PLXNB1: variants seen among roughly 807,000 people sequenced by gnomAD.
PLXNB1 encodes plexin-B1.
A neutral mutation model predicts 209.4 loss-of-function variants in PLXNB1; 106 were observed. That is an observed-to-expected ratio of 0.51 (90% CI 0.43 to 0.59). The LOEUF (loss-of-function observed/expected upper bound fraction) is 0.59, where lower values mean the gene tolerates loss of function less well. PLXNB1 is among the 20% of genes least tolerant of loss of function. The pLI is 0.00. For synonymous variants in PLXNB1, 1,167 were observed against 1,183.2 expected, an observed-to-expected ratio of 0.99 and a Z score of 0.28; for missense variants, 2,357 against 2,853.2, an observed-to-expected ratio of 0.83 and a Z score of 3.96.
In PLXNB1 at chr3:48,420,212, G is replaced by A; in HGVS notation, c.2074C>T (p.Pro692Ser). 6.4e-7 allele frequency: 1 copy of A among 1,557,542 alleles called. No homozygotes were observed. Among genetic ancestry groups the A allele is most frequent in the South Asian group, 1.2e-5 (1 of 84,676 alleles). The change falls in exon 11 of 38, where the codon CCC becomes TCC. Residue 692 changes from proline (P) to serine (S), a missense_variant. By Grantham distance (74) the Pro-to-Ser change is moderately conservative (BLOSUM62 -1). Transcript: ENST00000296440. ...GCTTTGGGGGCTGTGGGTGGGGAGGGGCTGGGTCCACCTCTTGCAGGAGGG... is the reference window on the plus strand; with the variant it reads ...GCTTTGGGGGCTGTGGGTGGGGAGGAGCTGGGTCCACCTCTTGCAGGAGGG... Reference protein sequence around the residue: ...PDPPARGGPSPSPPTAPKALA... With the variant: ...PDPPARGGPSSSPPTAPKALA...
In PLXNB1 at chr3:48,421,734, C is replaced by G. The variant is rs772304234; in HGVS notation, c.1593G>C (p.Leu531=). ...TCATGGCTGCCACTTGCAGACAGCCCAGCTCAGGCTGGAAGCTCCATAGCC... is the reference window on the plus strand; with the variant it reads ...TCATGGCTGCCACTTGCAGACAGCCGAGCTCAGGCTGGAAGCTCCATAGCC... ...EQWLWSFQPE[L]GCLQVAAMSP... Residue 531 remains leucine, a synonymous_variant, in exon 7 of 38, where the codon CTG becomes CTC. Transcript: ENST00000296440. 1 of 1,610,968 alleles carries G rather than the reference C, an allele frequency of 6.2e-7. No individual in the cohort carries two copies. Among genetic ancestry groups the G allele is most frequent in the South Asian group, 1.1e-5 (1 of 91,034 alleles).
Position 48,421,036 on chromosome 3 carries a change from A to G in PLXNB1, c.1811-80T>C, listed in dbSNP as rs2106926322. ...CAGAGCCGATATCCTGAGCCCTTGA[A>G]TGGGGAAGAGGACCCGGGATGAGGG... is the stretch of plus-strand genomic sequence containing the variant. On this transcript the variant is annotated intron_variant, in intron 8 of 37. Transcript: ENST00000296440. 5.2e-6 allele frequency: 7 copies of G among 1,359,214 alleles called. No homozygotes were observed. In the South Asian group the frequency reaches 8.5e-5, roughly 16 times the overall value. The allele number at this position is 1,359,214 out of a possible 1,614,324, so 84.2% of individuals were successfully genotyped here. A position where few individuals can be genotyped will look rare whatever the true frequency, so the allele number is the denominator to read the frequency against.
chr3:48,421,604 C>A (rs2038524233), intron 7 of PLXNB1, 70 bp downstream of exon 7: 2 of 1,446,522 alleles, frequency 1.4e-6, no homozygotes, highest in South Asian at 1.3e-5. Flanking sequence ...ACATCAGGAT[C>A]CAAGATCTCT....
In PLXNB1 at chr3:48,418,947, G is replaced by C. The variant is rs374241170; in HGVS notation, c.2925C>G (p.Thr975=). Residue 975 remains threonine, a synonymous_variant, in exon 13 of 38, where the codon ACC becomes ACG. Coordinates refer to ENST00000296440, the MANE Select transcript of PLXNB1 (RefSeq NM_001130082.3). The surrounding 1 kb of genome is among the most constrained non-coding windows in gnomAD (Gnocchi z 6.6). ...ARVECEPPPD[T]QCHVTCQQHQ... The stretch of plus-strand genomic sequence containing the variant: ...GCTGCTGGCAGGTGACATGGCACTG[G>C]GTATCTGGAGGTGGCTCACACTCGA... 3 of 1,614,040 alleles carry C rather than the reference G, an allele frequency of 1.9e-6. No individual in the cohort carries two copies. The highest frequency in any genetic ancestry group is 2.5e-6 in the Non-Finnish European group (3 of 1,180,002).
At chr3:48,425,800 CCTA>C (rs1445430824) in intron 1 of PLXNB1, among the ~76,000 whole-genome samples, 1 of 146,374 alleles carries the variant, frequency 6.8e-6, no homozygotes, top group Non-Finnish European at 1.5e-5. Context: ...TATGTATATG[CCTA>C]CAACACACAC....
rs2037710682 is a variant in PLXNB1, at chr3:48,411,962, G to T, written c.5148C>A (p.His1716Gln). ...TGTCCACTGGCCCCTTATCCACTTG[G>T]TGCTTAATCCCTCGAAAGAGCATGT... ...PLYMLFRGIK[H>Q]QVDKGPVDSV... The change falls in exon 28 of 38, where the codon CAC (histidine) becomes CAA (glutamine). Residue 1716 changes from histidine to glutamine, a missense_variant. His to Gln is a conservative substitution (Grantham distance 24). Transcript: ENST00000296440. The surrounding 1 kb of genome is among the most constrained non-coding windows in gnomAD (Gnocchi z 4.0). 6.2e-7 allele frequency: 1 copy of T among 1,614,024 alleles called. No homozygotes were observed.
At position 48,409,849 on chromosome 3, in the gene PLXNB1, G is replaced by A. The variant is rs2037549639; in HGVS notation, c.5778+56C>T. 8 of 1,580,458 alleles carry A rather than the reference G, an allele frequency of 5.1e-6. No individual in the cohort carries two copies. Among genetic ancestry groups the A allele is most frequent in the South Asian group, 1.1e-5 (1 of 87,924 alleles). On this transcript the variant is annotated intron_variant, in intron 32 of 37. Transcript: ENST00000296440. The surrounding 1 kb of genome is among the most constrained non-coding windows in gnomAD (Gnocchi z 5.8). ...GCCCCACACCACCCCCAAATCCCAC[G>A]AGTGGCCATGCTCCCTCTCAGCCCA...
In PLXNB1 at chr3:48,415,492, G is replaced by A; in HGVS notation, c.3794+91C>T. The A allele has an allele frequency of 7.0e-7, 1 of 1,425,932 alleles. No individual in the cohort carries two copies. The highest frequency in any genetic ancestry group is 9.5e-7 in the Non-Finnish European group (1 of 1,049,980). The allele number at this position is 1,425,932 out of a possible 1,614,324, so 88.3% of individuals were successfully genotyped here. ...CTACTAGCAGCATGGGATTCTCAGT[G>A]CCTCAACATAAAGCCCTACAAACCC... On this transcript the variant is annotated intron_variant, in intron 19 of 37. Transcript: ENST00000296440. This position sits in a 1 kb window ranked among gnomAD's most constrained non-coding sequence, Gnocchi z 5.0.
chr3:48,409,673 G>A lies in PLXNB1; in HGVS notation c.5837C>T (p.Pro1946Leu). ...LFQVILSTSR[P>L]VPLAVKYFFD... Reference sequence around the variant, plus strand: ...GAAGTACTTCACAGCGAGCGGCACGGGGCGGCTGGTGCTGAGAATCACCTG... The same window carrying A: ...GAAGTACTTCACAGCGAGCGGCACGAGGCGGCTGGTGCTGAGAATCACCTG... The change falls in exon 33 of 38, where the codon CCC (proline) becomes CTC (leucine). Residue 1946 changes from proline to leucine, a missense_variant. By Grantham distance (98) the Pro-to-Leu change is moderately conservative. This residue lies in a region of PLXNB1 where 414 missense variants were observed against 520.5 expected (regional missense o/e 0.80). Coordinates refer to ENST00000296440, the MANE Select transcript of PLXNB1 (RefSeq NM_001130082.3). This position sits in a 1 kb window ranked among gnomAD's most constrained non-coding sequence, Gnocchi z 5.8. 1 of 1,614,006 alleles carries A rather than the reference G, an allele frequency of 6.2e-7. No individual in the cohort carries two copies. The highest frequency in any genetic ancestry group is 8.5e-7 in the Non-Finnish European group (1 of 1,180,026).
At position 48,412,482 on chromosome 3, in the gene PLXNB1, C is replaced by T; in HGVS notation, c.4993G>A (p.Ala1665Thr). 1.2e-6 allele frequency: 2 copies of T among 1,613,666 alleles called. No homozygotes were observed. Among genetic ancestry groups the T allele is most frequent in the Non-Finnish European group, 1.7e-6 (2 of 1,180,050 alleles). Residue 1665 changes from alanine (A) to threonine (T), a missense_variant, in exon 26 of 38, where the codon GCC (alanine) becomes ACC (threonine). Coordinates refer to ENST00000296440, the MANE Select transcript of PLXNB1 (RefSeq NM_001130082.3). Reference sequence around the variant, plus strand: ...TTGGGGTTCTTGGCCACATACTGGGCAACCAGGTCACTGAGCAGAGTGCGG... The same window carrying T: ...TTGGGGTTCTTGGCCACATACTGGGTAACCAGGTCACTGAGCAGAGTGCGG... ...ILRTLLSDLV[A>T]QYVAKNPKLM...
Position 48,414,030 on chromosome 3 carries a change from C to T in PLXNB1, c.4251G>A (p.Val1417=), listed in dbSNP as rs1397814399. The stretch of plus-strand genomic sequence containing the variant: ...CACAGGGGCCATCCCCTATCATAGC[C>T]ACCACCTCCTCCTTGGACATTGCAA... The part of the protein sequence containing the change: ...LDLAMSKEEV[V]AMIGDGPCVV... Residue 1417 remains valine, a synonymous_variant, in exon 22 of 38, where the codon GTG becomes GTA. Transcript: ENST00000296440. 6.2e-7 allele frequency: 1 copy of T among 1,613,886 alleles called. No homozygotes were observed. Among genetic ancestry groups the T allele is most frequent in the Non-Finnish European group, 8.5e-7 (1 of 1,179,984 alleles).
Position 48,409,803 on chromosome 3 carries a change from C to A in PLXNB1, c.5779-72G>T. 7 of 1,582,934 alleles carry A rather than the reference C, an allele frequency of 4.4e-6. No homozygotes were observed. The highest frequency in any genetic ancestry group is 3.4e-5 in the Admixed American group (2 of 58,660). ...AGCAGCAGCCCAGCCTCAGACACCC[C>A]CCGGCACTGTGCCTGCACGAGCCCC... is the stretch of plus-strand genomic sequence containing the variant. On this transcript the variant is annotated intron_variant, in intron 32 of 37. Transcript: ENST00000296440. The surrounding 1 kb of genome is among the most constrained non-coding windows in gnomAD (Gnocchi z 5.8).
chr3:48,422,390 T>G lies in PLXNB1; in HGVS notation c.1360A>C (p.Ser454Arg), dbSNP rs114964512. 24,453 of 1,607,214 alleles carry G rather than the reference T, an allele frequency of 0.015. 253 individuals are homozygous for G. Among genetic ancestry groups the G allele is most frequent in the Admixed American group, 0.018 (1,092 of 59,064 alleles). Residue 454 changes from serine to arginine, a missense_variant, in exon 5 of 38, where the codon AGC becomes CGC. Physicochemically the swap from Ser to Arg is moderately radical, Grantham distance 110. Around this residue, in one of 7 missense-constraint regions of PLXNB1, gnomAD observed 404 missense variants for 443.6 expected, o/e 0.91. Coordinates refer to ENST00000296440, the MANE Select transcript of PLXNB1 (RefSeq NM_001130082.3). ...TQSIQQGSAV[S>R]RDLTFDGTFE... is the part of the protein sequence containing the mutation. ...GTCCCATCAAAGGTGAGGTCTCTGC[T>G]CACTGCAGACCCCTGCTGGATGCTC...
Position 48,413,809 on chromosome 3 carries a change from C to T in PLXNB1, c.4396G>A (p.Gly1466Arg). ...TGACCCAGGGAGAAGCGCAAGTTCC[C>T]CATCTGCACCTGTGTCAGGAGCCAC... The part of the protein sequence containing the change: ...DSLPEFTVQM[G>R]NLRFSLGHVQ... Residue 1466 changes from glycine to arginine, a missense_variant, in exon 23 of 38, where the codon GGG becomes AGG. This residue lies in a region of PLXNB1 where 743 missense variants were observed against 896.2 expected (regional missense o/e 0.83). Transcript: ENST00000296440. The surrounding 1 kb of genome is among the most constrained non-coding windows in gnomAD (Gnocchi z 5.4). 6.2e-7 allele frequency: 1 copy of T among 1,613,282 alleles called. No homozygotes were observed. The highest frequency in any genetic ancestry group is 8.5e-7 in the Non-Finnish European group (1 of 1,179,582).
chr3:48,427,990 T>A (rs999458394), intron 1 of PLXNB1, among the ~76,000 whole-genome samples: 2 of 152,126 alleles, frequency 1.3e-5, no homozygotes, highest in African/African-American at 2.4e-5. Flanking sequence ...CCAACCAGGG[T>A]CACCTTTCTC....
Position 48,418,799 on chromosome 3 carries a change from T to G in PLXNB1, c.2955+118A>C. On this transcript the variant is annotated intron_variant, in intron 13 of 37. Transcript: ENST00000296440. The surrounding 1 kb of genome is among the most constrained non-coding windows in gnomAD (Gnocchi z 6.6). The stretch of plus-strand genomic sequence containing the variant: ...GTCAGAAATGGGTGTGGAGACTCCC[T>G]CAGGGCGACACGGTCAGAGCGTGGC... 7.5e-7 allele frequency: 1 copy of G among 1,339,560 alleles called. No homozygotes were observed. The highest frequency in any genetic ancestry group is 1.0e-6 in the Non-Finnish European group (1 of 954,258). The allele number at this position is 1,339,560 out of a possible 1,614,324, so 83.0% of individuals were successfully genotyped here.
intron 1 of PLXNB1, among the ~76,000 whole-genome samples, chr3:48,428,830 G>C (rs967717314): frequency 6.6e-6 from 1 of 151,798 alleles, no homozygotes; most frequent in Admixed American, 6.5e-5. Context: ...CCCGCCCGGG[G>C]GTCAGGAGGC....
intron 26 of PLXNB1, 29 bp downstream of exon 26, chr3:48,412,413 G>A: frequency 1.2e-6 from 2 of 1,612,066 alleles, no homozygotes; most frequent in Non-Finnish European, 1.7e-6. Context: ...GCTGTCCAGG[G>A]CCCACCCAGC....
chr3:48,412,252 AC>A lies in PLXNB1; in HGVS notation c.5085del (p.Tyr1696IlefsTer4). 1 of 1,614,092 alleles carries A rather than the reference AC, an allele frequency of 6.2e-7. No homozygotes were observed. The highest frequency in any genetic ancestry group is 8.5e-7 in the Non-Finnish European group (1 of 1,179,998). On this transcript the variant is annotated frameshift_variant, in exon 27 of 38. Coordinates refer to ENST00000296440, the MANE Select transcript of PLXNB1 (RefSeq NM_001130082.3). LOFTEE classifies it high-confidence loss of function. Reference sequence around the variant, plus strand: ...TGCCCCCTCACCCTCACGAAGGTATACAGACAGATGGACATCCAGTTGGTGA... The same window carrying A: ...TGCCCCCTCACCCTCACGAAGGTATAAGACAGATGGACATCCAGTTGGTGA... ...KLLTNWMSICLYTFVRDSVGE... is the reference protein window; with the variant it reads ...KLLTNWMSICXYTFVRDSVGE...
Sources: allele counts gnomAD v4.1 joint callset (sites outside exome capture counted in the v4.1 genomes callset), GRCh38; gene constraint gnomAD v4.1.1; regional missense constraint gnomAD v4.1.1; non-coding constraint Gnocchi (gnomAD v3.1); transcripts MANE v1.5; gene names NCBI Gene and HGNC (gene_info 2026-07-23, HGNC 2026-07-21).